Variants in GABBR1 observed in about 807,000 individuals in gnomAD.
The protein encoded by GABBR1 is GABA-B receptor, R1 subunit.
A neutral mutation model predicts 117.7 loss-of-function variants in GABBR1; 35 were observed. The observed-to-expected ratio is 0.30, with a 90% CI of 0.23 to 0.39. The LOEUF (loss-of-function observed/expected upper bound fraction) is 0.39. GABBR1 is among the 10% of genes least tolerant of loss of function. The pLI is 1.00. For synonymous variants in GABBR1, 442 were observed against 486.6 expected, an observed-to-expected ratio of 0.91 and a Z score of 1.21; for missense variants, 709 against 1,241.8, an observed-to-expected ratio of 0.57 and a Z score of 6.45.
Position 29,631,732 on chromosome 6 carries a change from C to A in GABBR1, c.86-133G>T. On this transcript the variant is annotated intron_variant, in intron 2 of 22. Coordinates refer to ENST00000377034, the MANE Select transcript of GABBR1 (RefSeq NM_001470.4). The surrounding 1 kb of genome is among the most constrained non-coding windows in gnomAD (Gnocchi z 5.9). ...TGGGGACAGAGGAAGAGGGATGGGG[C>A]ACTAGAGGGTGGGAGTGGGGACAGG... 1 of 726,474 alleles carries A rather than the reference C, an allele frequency of 1.4e-6. No homozygotes were observed. The highest frequency in any genetic ancestry group is 2.2e-5 in the Admixed American group (1 of 44,882). The allele number at this position is 726,474 out of a possible 1,614,324, so 45.0% of individuals were successfully genotyped here. A position where few individuals can be genotyped will look rare whatever the true frequency, so the allele number is the denominator to read the frequency against.
In GABBR1 at chr6:29,622,852, CCTCTCT is replaced by C. The variant is rs141467090; in HGVS notation, c.963+447_963+452del. On this transcript the variant is annotated intron_variant, in intron 8 of 22. Coordinates refer to ENST00000377034, the MANE Select transcript of GABBR1 (RefSeq NM_001470.4). The surrounding 1 kb of genome is among the most constrained non-coding windows in gnomAD (Gnocchi z 4.6). ...GCCCCTCTCTCTCCTCTCCCTCATTCCTCTCTCTCTCTCTCTTTCCTCTCCCTCTCT... is the reference window on the plus strand; with the variant it reads ...GCCCCTCTCTCTCCTCTCCCTCATTCCTCTCTCTCTTTCCTCTCCCTCTCT... Among the ~76,000 whole-genome samples, 1 of 150,212 alleles carries C rather than the reference CCTCTCT, an allele frequency of 6.7e-6. No individual in the cohort carries two copies. The highest frequency in any genetic ancestry group is 2.4e-5 in the African/African-American group (1 of 40,970).
In GABBR1 at chr6:29,611,288, C is replaced by T. The variant is rs1055214799; in HGVS notation, c.1631-287G>A. ...TGTCTGCCACCTATTCCATTCCTCACACCTCTCTCGGCGAGATGTCTCTCA... is the reference window on the plus strand; with the variant it reads ...TGTCTGCCACCTATTCCATTCCTCATACCTCTCTCGGCGAGATGTCTCTCA... On this transcript the variant is annotated intron_variant, in intron 13 of 22. Transcript: ENST00000377034. This position sits in a 1 kb window ranked among gnomAD's most constrained non-coding sequence, Gnocchi z 4.6. 2 of 353,638 alleles carry T rather than the reference C, an allele frequency of 5.7e-6. No homozygotes were observed. Among genetic ancestry groups the T allele is most frequent in the African/African-American group, 2.1e-5 (1 of 48,276 alleles). 21.9% of individuals were successfully genotyped at this position (353,638 alleles called of 1,614,324 possible).
At position 29,632,259 on chromosome 6, in the gene GABBR1, G is replaced by T; in HGVS notation, c.85+42C>A. The T allele has an allele frequency of 1.7e-6, 2 of 1,163,384 alleles. No homozygotes were observed. Among genetic ancestry groups the T allele is most frequent in the Non-Finnish European group, 2.3e-6 (2 of 865,684 alleles). The allele number at this position is 1,163,384 out of a possible 1,614,324, so 72.1% of individuals were successfully genotyped here. A position where few individuals can be genotyped will look rare whatever the true frequency, so the allele number is the denominator to read the frequency against. ...AATGAGGAGATGCAGGGAAAGGGAA[G>T]TGGAGCGAAGGAGGGCCGGAGGTCG... On this transcript the variant is annotated intron_variant, in intron 2 of 22. Coordinates refer to ENST00000377034, the MANE Select transcript of GABBR1 (RefSeq NM_001470.4). This position sits in a 1 kb window ranked among gnomAD's most constrained non-coding sequence, Gnocchi z 5.8.
chr6:29,612,681 A>T, intron 12 of GABBR1, 67 bp from the exon 13 acceptor site: 5 of 1,307,666 alleles, frequency 3.8e-6, no homozygotes, highest in Non-Finnish European at 4.4e-6. Context: ...AACATCAGGG[A>T]CTCTTTAAAT....
chr6:29,627,951 C>T lies in GABBR1; in HGVS notation c.497-305G>A, dbSNP rs1309170606. On this transcript the variant is annotated intron_variant, in intron 5 of 22. Coordinates refer to ENST00000377034, the MANE Select transcript of GABBR1 (RefSeq NM_001470.4). This position sits in a 1 kb window ranked among gnomAD's most constrained non-coding sequence, Gnocchi z 4.4. Reference sequence around the variant, plus strand: ...CCGGAGAAGCAGGGAAGGTTGGCTTCCTACGGCCCCCGCGGCTCTCGCCAC... The same window carrying T: ...CCGGAGAAGCAGGGAAGGTTGGCTTTCTACGGCCCCCGCGGCTCTCGCCAC... 7.4e-7 allele frequency: 1 copy of T among 1,348,628 alleles called. No individual in the cohort carries two copies. Among genetic ancestry groups the T allele is most frequent in the African/African-American group, 1.5e-5 (1 of 64,748 alleles). 83.5% of individuals were successfully genotyped at this position (1,348,628 alleles called of 1,614,324 possible).
chr6:29,625,327 C>A (rs1016714267), intron 6 of GABBR1, among the ~76,000 whole-genome samples: 2 of 152,176 alleles, frequency 1.3e-5, no homozygotes, highest in African/African-American at 4.8e-5. Context: ...TCTCCCACAG[C>A]CCCTCAGTGC....
chr6:29,610,747 C>T (rs1427196178), intron 14 of GABBR1, among the ~76,000 whole-genome samples, 177 bp downstream of exon 14: 1 of 152,140 alleles, frequency 6.6e-6, no homozygotes, highest in Non-Finnish European at 1.5e-5. Context: ...ATACACCAGT[C>T]TCCCCTACCC....
At position 29,627,971 on chromosome 6, in the gene GABBR1, C is replaced by A; in HGVS notation, c.497-325G>T. The stretch of plus-strand genomic sequence containing the variant: ...GGCTTCCTACGGCCCCCGCGGCTCT[C>A]GCCACCGTCGCCGCCACCGCGGACT... On this transcript the variant is annotated intron_variant, in intron 5 of 22. Transcript: ENST00000377034. The surrounding 1 kb of genome is among the most constrained non-coding windows in gnomAD (Gnocchi z 4.4). 7.4e-7 allele frequency: 1 copy of A among 1,343,370 alleles called. No individual in the cohort carries two copies. Among genetic ancestry groups the A allele is most frequent in the Non-Finnish European group, 9.5e-7 (1 of 1,056,578 alleles). The allele number at this position is 1,343,370 out of a possible 1,614,324, so 83.2% of individuals were successfully genotyped here. A position where few individuals can be genotyped will look rare whatever the true frequency, so the allele number is the denominator to read the frequency against.
Position 29,627,462 on chromosome 6 carries a change from A to AGCC in GABBR1, c.657+23_657+24insGGC. 2.5e-6 allele frequency: 1 copy of AGCC among 403,308 alleles called. No homozygotes were observed. 25.0% of individuals were successfully genotyped at this position (403,308 alleles called of 1,614,324 possible). On this transcript the variant is annotated intron_variant, in intron 6 of 22. Transcript: ENST00000377034. This position sits in a 1 kb window ranked among gnomAD's most constrained non-coding sequence, Gnocchi z 4.4. ...CCTGCCCCGCAAGCCCCCACCTCCC[A>AGCC]CCCACCCCCATGTCCAGGGCTACCT...
intron 11 of GABBR1, among the ~76,000 whole-genome samples, chr6:29,618,388 TAC>T (rs1375129657): frequency 2.0e-5 from 3 of 152,196 alleles, no homozygotes; most frequent in Admixed American, 6.5e-5. Context: ...TCAGTAAAGA[TAC>T]AGTTATAGAT....
rs1195219593 is a variant in GABBR1, at chr6:29,631,167, A to G, written c.289+229T>C. 6.6e-6 allele frequency among the ~76,000 whole-genome samples: 1 copy of G among 152,232 alleles called. No homozygotes were observed. Among genetic ancestry groups the G allele is most frequent in the Non-Finnish European group, 1.5e-5 (1 of 68,036 alleles). ...GATGAATTATCAATGTTATAGGCCA[A>G]TGATCAGTGGCCTAATGAAGGGAGG... is the stretch of plus-strand genomic sequence containing the variant. On this transcript the variant is annotated intron_variant, in intron 3 of 22. Transcript: ENST00000377034. This position sits in a 1 kb window ranked among gnomAD's most constrained non-coding sequence, Gnocchi z 5.9.
Position 29,631,285 on chromosome 6 carries a change from G to A in GABBR1, c.289+111C>T. 1 of 1,094,816 alleles carries A rather than the reference G, an allele frequency of 9.1e-7. No individual in the cohort carries two copies. 67.8% of individuals were successfully genotyped at this position (1,094,816 alleles called of 1,614,324 possible). On this transcript the variant is annotated intron_variant, in intron 3 of 22. Coordinates refer to ENST00000377034, the MANE Select transcript of GABBR1 (RefSeq NM_001470.4). The surrounding 1 kb of genome is among the most constrained non-coding windows in gnomAD (Gnocchi z 5.9). Reference sequence around the variant, plus strand: ...TAGTAGTCATTCAATAAATGTATTTGTGAATTTTGGTATACTGGATTTAAA... The same window carrying A: ...TAGTAGTCATTCAATAAATGTATTTATGAATTTTGGTATACTGGATTTAAA...
intron 11 of GABBR1, among the ~76,000 whole-genome samples, chr6:29,617,301 CTTTTTTT>C (rs373993426): frequency 4.2e-5 from 5 of 119,870 alleles, no homozygotes; most frequent in East Asian, 2.5e-4. Context: ...TTCTTTCTTT[CTTTTTTT>C]TTTTTTTTTT....
intron 11 of GABBR1, among the ~76,000 whole-genome samples, chr6:29,619,275 C>T (rs1763502059): frequency 6.6e-6 from 1 of 152,238 alleles, no homozygotes; most frequent in Non-Finnish European, 1.5e-5. Context: ...TGATCCACTT[C>T]TATTTGTGCT....
rs1051341890 is a variant in GABBR1, at chr6:29,620,142, G to C, written c.1323+959C>G. ...ATTCCAGCTGGACTGCTGAGTAGCT[G>C]CATGACCTGAGACAAGTCATTAAAC... On this transcript the variant is annotated intron_variant, in intron 11 of 22. Transcript: ENST00000377034. This position sits in a 1 kb window ranked among gnomAD's most constrained non-coding sequence, Gnocchi z 4.5. Among the ~76,000 whole-genome samples the C allele has an allele frequency of 6.6e-6, 1 of 152,198 alleles. No individual in the cohort carries two copies. The highest frequency in any genetic ancestry group is 2.4e-5 in the African/African-American group (1 of 41,456).
intron 6 of GABBR1, chr6:29,624,293 C>T (rs893244733): frequency 3.1e-6 from 1 of 324,996 alleles, no homozygotes; most frequent in Non-Finnish European, 5.7e-6. Flanking sequence ...AACATACCAC[C>T]TTACCTCCTT....
At chr6:29,619,216 T>A (rs979653845) in intron 11 of GABBR1, among the ~76,000 whole-genome samples, 7 of 152,252 alleles carry the variant, frequency 4.6e-5, no homozygotes, top group African/African-American at 1.7e-4. Flanking sequence ...CAACTCTGCT[T>A]CTTTTCTAAG....
chr6:29,610,168 C>T (rs910078068), intron 14 of GABBR1, among the ~76,000 whole-genome samples: 6 of 151,986 alleles, frequency 3.9e-5, no homozygotes, highest in African/African-American at 1.4e-4. Flanking sequence ...TTGAGCCTCC[C>T]CTTCATTCTC....
In GABBR1 at chr6:29,611,097, G is replaced by A; in HGVS notation, c.1631-96C>T. ...CACTTCCCTAGAGCTTTGCATGGTT[G>A]TATCTGATTTTATTTTCACCTGAGG... is the stretch of plus-strand genomic sequence containing the variant. On this transcript the variant is annotated intron_variant, in intron 13 of 22. Transcript: ENST00000377034. The surrounding 1 kb of genome is among the most constrained non-coding windows in gnomAD (Gnocchi z 4.6). 1 of 958,376 alleles carries A rather than the reference G, an allele frequency of 1.0e-6. No homozygotes were observed. The highest frequency in any genetic ancestry group is 1.6e-6 in the Non-Finnish European group (1 of 608,758). 59.4% of individuals were successfully genotyped at this position (958,376 alleles called of 1,614,324 possible).
Sources: allele counts gnomAD v4.1 joint callset (sites outside exome capture counted in the v4.1 genomes callset), GRCh38; gene constraint gnomAD v4.1.1; non-coding constraint Gnocchi (gnomAD v3.1); transcripts MANE v1.5; gene names NCBI Gene and HGNC (gene_info 2026-07-23, HGNC 2026-07-21).